Variants in EYS observed in about 807,000 individuals in gnomAD.
EYS encodes EGF-like photoreceptor maintenance factor.
Under a neutral mutation model 282.1 loss-of-function variants are expected in EYS, and 250 were observed. The observed-to-expected ratio is 0.89, with a 90% confidence interval of 0.80 to 0.98. The LOEUF (loss-of-function observed/expected upper bound fraction) is 0.98, where lower values mean the gene tolerates loss of function less well. EYS is among the 50% of genes least tolerant of loss of function. EYS has a pLI of 0.00. For synonymous variants in EYS, 1,355 were observed against 1,282.9 expected, an observed-to-expected ratio of 1.06 and a Z score of -1.20; for missense variants, 4,016 against 3,709.0, an observed-to-expected ratio of 1.08 and a Z score of -2.15.
At chr6:63,872,538 G>A (rs1022185026) in intron 35 of EYS, among the ~76,000 whole-genome samples, 1 of 145,294 alleles carries the variant, frequency 6.9e-6, no homozygotes, top group Non-Finnish European at 1.5e-5. Context: ...GAGTGCAGTG[G>A]TGTGAATTCG....
At chr6:64,569,026 G>GAAAAAAAAAA (rs4034162) in intron 26 of EYS, among the ~76,000 whole-genome samples, 11 of 101,694 alleles carry the variant, frequency 1.1e-4, no homozygotes, top group African/African-American at 3.9e-4. Flanking sequence ...AGATGGAAAA[G>GAAAAAAAAAA]AAAAAAAAAA....
In EYS at chr6:65,113,166, C is replaced by A. The variant is rs115807234; in HGVS notation, c.2024-55439G>T. ...TGTTATATATCTTTTGAAAATGGCC[C>A]ATCTCTCTAGGGATCAGAATAGTAA... On this transcript the variant is annotated intron_variant, in intron 12 of 42. Coordinates refer to ENST00000503581, the MANE Select transcript of EYS (RefSeq NM_001142800.2). 7.3e-3 allele frequency among the ~76,000 whole-genome samples: 1,106 copies of A among 152,056 alleles called. 16 individuals carry two copies. The highest frequency in any genetic ancestry group is 0.025 in the African/African-American group (1,048 of 41,502).
At chr6:64,318,745 T>C (rs1287758758) in intron 29 of EYS, among the ~76,000 whole-genome samples, 2 of 151,752 alleles carry the variant, frequency 1.3e-5, no homozygotes, top group African/African-American at 4.8e-5. Flanking sequence ...TGTATGTGTG[T>C]GATTTTTTAT....
chr6:64,779,009 C>T (rs563114319), intron 22 of EYS, among the ~76,000 whole-genome samples: 26 of 152,176 alleles, frequency 1.7e-4, no homozygotes, highest in Middle Eastern at 3.4e-3. Flanking sequence ...GGCAAGTATG[C>T]GGAGCAACAG....
intron 22 of EYS, among the ~76,000 whole-genome samples, chr6:64,641,482 G>C (rs1768151654): frequency 6.6e-6 from 1 of 152,156 alleles, no homozygotes; most frequent in African/African-American, 2.4e-5. Context: ...ACAGTAAGAA[G>C]ACCAAATCAA....
intron 36 of EYS, among the ~76,000 whole-genome samples, chr6:63,835,091 T>G (rs556113812): frequency 6.7e-6 from 1 of 148,566 alleles, no homozygotes; most frequent in African/African-American, 2.5e-5. Flanking sequence ...TTAAGGGATA[T>G]ACCTAATGTA....
intron 19 of EYS, among the ~76,000 whole-genome samples, chr6:64,842,555 C>T (rs1167362564): frequency 6.6e-6 from 1 of 151,794 alleles, no homozygotes; most frequent in Non-Finnish European, 1.5e-5. Context: ...CTTCTAGAGA[C>T]TTGTTGAATG....
At chr6:64,613,190 G>T (rs1767165313) in intron 24 of EYS, among the ~76,000 whole-genome samples, 1 of 152,042 alleles carries the variant, frequency 6.6e-6, no homozygotes, top group Non-Finnish European at 1.5e-5. Context: ...GAATCTGATT[G>T]CCAAATTAAT....
intron 19 of EYS, among the ~76,000 whole-genome samples, chr6:64,830,065 C>T (rs934425564): frequency 1.3e-5 from 2 of 151,790 alleles, no homozygotes; most frequent in African/African-American, 4.8e-5. Flanking sequence ...AATCCTAACC[C>T]CTAAAGTGAT....
chr6:64,717,339 G>T (rs777410268), intron 22 of EYS, among the ~76,000 whole-genome samples: 5 of 152,144 alleles, frequency 3.3e-5, no homozygotes, highest in Non-Finnish European at 5.9e-5. Context: ...TTTATTTGCA[G>T]CTGCTCCCCA....
At chr6:64,534,629 A>G (rs1236196953) in intron 26 of EYS, among the ~76,000 whole-genome samples, 1 of 151,726 alleles carries the variant, frequency 6.6e-6, no homozygotes, top group Non-Finnish European at 1.5e-5. Flanking sequence ...TTTGACTTCT[A>G]ATCTTTGGCC....
chr6:64,902,252 G>A (rs1331603770), intron 17 of EYS, 32 bp from the exon 18 acceptor site: 6 of 1,427,386 alleles, frequency 4.2e-6, no homozygotes, highest in South Asian at 2.6e-5. Flanking sequence ...AACTCCATTA[G>A]TATATATGTA....
chr6:64,912,794 A>AT (rs1234028562), intron 15 of EYS, 51 bp from the exon 16 acceptor site: 5 of 1,200,424 alleles, frequency 4.2e-6, no homozygotes, highest in South Asian at 4.9e-5. Flanking sequence ...TTTCAAGTTT[A>AT]TTTTTTGTAT....
chr6:64,319,138 TG>T (rs988829478), intron 29 of EYS, among the ~76,000 whole-genome samples: 1 of 151,984 alleles, frequency 6.6e-6, no homozygotes, highest in Non-Finnish European at 1.5e-5. Context: ...CTACTGTAAC[TG>T]ATTTAGCCCA....
chr6:64,399,478 C>A (rs898436504), intron 28 of EYS, among the ~76,000 whole-genome samples: 1 of 151,754 alleles, frequency 6.6e-6, no homozygotes, highest in Non-Finnish European at 1.5e-5. Context: ...GAATCACCAC[C>A]ACAATTATGT....
At chr6:65,583,894 CTAACA>C (rs1469088775) in intron 2 of EYS, among the ~76,000 whole-genome samples, 4 of 151,710 alleles carry the variant, frequency 2.6e-5, no homozygotes, top group Non-Finnish European at 4.4e-5. Context: ...AACATACTAC[CTAACA>C]TATCTTATGA....
chr6:65,704,278 G>T (rs1004084736), intron 1 of EYS, among the ~76,000 whole-genome samples: 2 of 152,142 alleles, frequency 1.3e-5, no homozygotes, highest in Admixed American at 1.3e-4. Flanking sequence ...AACTAGATGA[G>T]ATGTGTACTA....
chr6:64,942,533 T>A, intron 15 of EYS, among the ~76,000 whole-genome samples: 1 of 146,850 alleles, frequency 6.8e-6, no homozygotes, highest in African/African-American at 2.5e-5. Flanking sequence ...ATGACAAAGG[T>A]GACATTACAA....
intron 33 of EYS, among the ~76,000 whole-genome samples, chr6:64,041,888 C>A (rs1045299784): frequency 9.2e-5 from 14 of 152,242 alleles, no homozygotes; most frequent in African/African-American, 2.6e-4. Flanking sequence ...TAAATATGAT[C>A]TTTTTTTAAA....
Sources: gnomAD v4.1 joint callset for allele counts (sites outside exome capture counted in the v4.1 genomes callset) on GRCh38, gnomAD v4.1.1 for gene constraint, MANE v1.5 for transcripts, NCBI Gene and HGNC (gene_info 2026-07-23, HGNC 2026-07-21) for gene names.